The following ST3GAL3 variants were observed in gnomAD, a reference collection of about 807,000 sequenced individuals.
ST3GAL3 encodes ST3 beta-galactoside alpha-2,3-sialyltransferase 3.
In ST3GAL3, 21 loss-of-function variants were observed where a neutral mutation model predicts 50.1. That is an observed-to-expected ratio of 0.42 (90% CI 0.30 to 0.60). The LOEUF (loss-of-function observed/expected upper bound fraction) is 0.60, where lower values mean the gene tolerates loss of function less well. ST3GAL3 is among the 20% of genes least tolerant of loss of function. The probability of loss-of-function intolerance (pLI) is 0.19; values close to 1 mark genes in which losing one functional copy is unlikely to be tolerated. For synonymous variants in ST3GAL3, 183 were observed against 190.0 expected, an observed-to-expected ratio of 0.96 and a Z score of 0.30; for missense variants, 353 against 489.4, an observed-to-expected ratio of 0.72 and a Z score of 2.63.
At chr1:43,883,143 AT>A (rs765639504) in intron 5 of ST3GAL3, among the ~76,000 whole-genome samples, 2 of 151,836 alleles carry the variant, frequency 1.3e-5, no homozygotes, top group South Asian at 2.1e-4. Flanking sequence ...TTTCAATTTT[AT>A]TTTTCATAAT....
At chr1:43,766,834 T>C (rs1693230171) in intron 2 of ST3GAL3, among the ~76,000 whole-genome samples, 2 of 151,924 alleles carry the variant, frequency 1.3e-5, no homozygotes, top group Admixed American at 1.3e-4. Context: ...AAATGGGAGG[T>C]TGTGTTCCTT....
chr1:43,788,803 C>G (rs543509481), intron 2 of ST3GAL3, among the ~76,000 whole-genome samples: 2 of 152,192 alleles, frequency 1.3e-5, no homozygotes, highest in African/African-American at 4.8e-5. Context: ...GAAAAGCAAA[C>G]AAGGATTATA....
At chr1:43,922,898 G>A (rs535224867) in intron 11 of ST3GAL3, among the ~76,000 whole-genome samples, 2 of 151,628 alleles carry the variant, frequency 1.3e-5, no homozygotes, top group African/African-American at 4.8e-5. Flanking sequence ...TCAGAAGATC[G>A]AGACCATCCT....
intron 2 of ST3GAL3, among the ~76,000 whole-genome samples, chr1:43,781,562 C>G (rs7546040): frequency 0.69 from 104,371 of 150,796 alleles, 36,420 homozygotes; most frequent in Non-Finnish European, 0.73. Context: ...AGTGAGCTGA[C>G]ATCACGACAC....
intron 5 of ST3GAL3, among the ~76,000 whole-genome samples, chr1:43,866,371 GTT>G (rs1022023976): frequency 1.3e-5 from 2 of 152,268 alleles, no homozygotes; most frequent in Non-Finnish European, 2.9e-5. Flanking sequence ...GAGCCCTGTA[GTT>G]TGAGGCCAGC....
intron 11 of ST3GAL3, among the ~76,000 whole-genome samples, chr1:43,928,656 C>G (rs1405528122): frequency 6.6e-6 from 1 of 150,622 alleles, no homozygotes; most frequent in Non-Finnish European, 1.5e-5. Context: ...TGCCTGTAAT[C>G]CCAGCACTTT....
At chr1:43,871,509 T>G (rs1485811512) in intron 5 of ST3GAL3, among the ~76,000 whole-genome samples, 2 of 64,180 alleles carry the variant, frequency 3.1e-5, no homozygotes, top group African/African-American at 1.3e-4. Flanking sequence ...GGATGGGGTG[T>G]GAGGGAGAGG....
chr1:43,858,153 A>G, intron 5 of ST3GAL3: 1 of 1,289,426 alleles, frequency 7.8e-7, no homozygotes, highest in Non-Finnish European at 1.0e-6. Context: ...GAAATGGTGC[A>G]TGGAGACAAA....
At chr1:43,813,532 G>A (rs1558414962) in intron 3 of ST3GAL3, among the ~76,000 whole-genome samples, 1 of 152,170 alleles carries the variant, frequency 6.6e-6, no homozygotes, top group Admixed American at 6.5e-5. Flanking sequence ...CCATTCTCTT[G>A]GGAGGCAAGC....
At chr1:43,802,197 G>A (rs1262508240) in intron 3 of ST3GAL3, among the ~76,000 whole-genome samples, 1 of 152,102 alleles carries the variant, frequency 6.6e-6, no homozygotes, top group Non-Finnish European at 1.5e-5. Context: ...CATAACTCCT[G>A]TCAAGGCTTT....
chr1:43,755,770 A>G (rs1424772030), intron 2 of ST3GAL3, among the ~76,000 whole-genome samples: 1 of 152,230 alleles, frequency 6.6e-6, no homozygotes, highest in African/African-American at 2.4e-5. Context: ...TTTTAAGGAT[A>G]CAAGAAGCAT....
intron 3 of ST3GAL3, among the ~76,000 whole-genome samples, chr1:43,795,959 C>G (rs984257583): frequency 2.6e-5 from 4 of 152,190 alleles, no homozygotes; most frequent in Non-Finnish European, 2.9e-5. Flanking sequence ...CAAACAGCTT[C>G]AGGAAAAGAC....
intron 4 of ST3GAL3, among the ~76,000 whole-genome samples, chr1:43,834,313 A>G (rs1264939407): frequency 6.6e-6 from 1 of 152,162 alleles, no homozygotes; most frequent in East Asian, 1.9e-4. Context: ...CGCTCCGGCT[A>G]TTGCCCCATT....
intron 5 of ST3GAL3, chr1:43,850,692 C>G: frequency 1.4e-6 from 1 of 726,136 alleles, no homozygotes; most frequent in Middle Eastern, 2.8e-4. Flanking sequence ...TTTATCAGAA[C>G]AACCTGTGAC....
In ST3GAL3 at chr1:43,930,871, A is replaced by G. The variant is rs1331947923; in HGVS notation, c.*650A>G. ...CCCTGGAGCCATCCCTTCGGAGCCA[A>G]CAAGACCGCCCCAGGGCTATAGCAG... On this transcript the variant is annotated 3_prime_UTR_variant, in exon 12 of 12. Transcript: ENST00000347631. 1.8e-5 allele frequency: 3 copies of G among 165,880 alleles called. No homozygotes were observed. The highest frequency in any genetic ancestry group is 7.2e-5 in the African/African-American group (3 of 41,702). 10.3% of individuals were successfully genotyped at this position (165,880 alleles called of 1,614,324 possible).
chr1:43,790,633 CTT>C (rs11343844), intron 2 of ST3GAL3, among the ~76,000 whole-genome samples: 46,851 of 125,762 alleles, frequency 0.37, 7,898 homozygotes, highest in East Asian at 0.54. Context: ...ATGGCGTCTC[CTT>C]TTTTTTTTTT....
chr1:43,815,552 A>G (rs918924897), intron 4 of ST3GAL3, among the ~76,000 whole-genome samples: 1 of 152,132 alleles, frequency 6.6e-6, no homozygotes, highest in Non-Finnish European at 1.5e-5. Context: ...TAATTGCATA[A>G]TAATTACTAA....
chr1:43,717,349 A>G (rs1571225889), intron 1 of ST3GAL3, among the ~76,000 whole-genome samples: 1 of 152,282 alleles, frequency 6.6e-6, no homozygotes, highest in East Asian at 1.9e-4. Flanking sequence ...AGTCCAGCAT[A>G]GTTTTTCTAA....
chr1:43,930,185 A>G lies in ST3GAL3; in HGVS notation c.1092A>G (p.Lys364=). 1 of 1,614,030 alleles carries G rather than the reference A, an allele frequency of 6.2e-7. No homozygotes were observed. The highest frequency in any genetic ancestry group is 8.5e-7 in the Non-Finnish European group (1 of 1,180,032). Residue 364 remains lysine (K), a synonymous_variant, in exon 12 of 12, where the codon AAA becomes AAG. Transcript: ENST00000347631. ...AAGAGTTTCTGCGGAAGCTGGTGAA[A>G]GCTCGCGTCATCACTGATCTAAGCA... ...REKEFLRKLV[K]ARVITDLSSG...
Sources: allele counts gnomAD v4.1 joint callset (sites outside exome capture counted in the v4.1 genomes callset), GRCh38; gene constraint gnomAD v4.1.1; transcripts MANE v1.5; gene names NCBI Gene and HGNC (gene_info 2026-07-23, HGNC 2026-07-21).